SDK1: variants seen among roughly 807,000 people sequenced by gnomAD.
SDK1 encodes the protein protein sidekick-1.
In SDK1, 157 loss-of-function variants were observed where a neutral mutation model predicts 245.5. That is an observed-to-expected ratio of 0.64 (90% CI 0.56 to 0.73). The LOEUF is 0.73. Ranked by LOEUF, SDK1 falls within the 30% of genes least tolerant of loss-of-function variation. SDK1 has a pLI of 0.00. For synonymous variants in SDK1, 1,647 were observed against 1,278.5 expected, an observed-to-expected ratio of 1.29 and a Z score of -6.15; for missense variants, 3,583 against 3,002.3, an observed-to-expected ratio of 1.19 and a Z score of -4.52.
At chr7:4,016,785 T>C (rs1772622365) in intron 16 of SDK1, among the ~76,000 whole-genome samples, 1 of 152,144 alleles carries the variant, frequency 6.6e-6, no homozygotes, top group Non-Finnish European at 1.5e-5. Context: ...CTTCTGGAAG[T>C]CTCCCCACGT....
At chr7:3,781,356 C>G (rs1399816352) in intron 4 of SDK1, among the ~76,000 whole-genome samples, 1 of 152,094 alleles carries the variant, frequency 6.6e-6, no homozygotes, top group Non-Finnish European at 1.5e-5. Context: ...GTTGTGAACT[C>G]TCATGAAGCT....
intron 4 of SDK1, among the ~76,000 whole-genome samples, chr7:3,702,285 A>G (rs1784762895): frequency 6.6e-6 from 1 of 152,234 alleles, no homozygotes; most frequent in Non-Finnish European, 1.5e-5. Flanking sequence ...CTACAATTAA[A>G]AAAATCTAAT....
chr7:3,375,463 T>C (rs548752256), intron 1 of SDK1, among the ~76,000 whole-genome samples: 2 of 152,330 alleles, frequency 1.3e-5, no homozygotes, highest in East Asian at 1.9e-4. Flanking sequence ...TGTAGTATTC[T>C]TATCCGTGTA....
intron 5 of SDK1, among the ~76,000 whole-genome samples, chr7:3,861,645 G>A (rs1323297583): frequency 6.6e-6 from 1 of 152,006 alleles, no homozygotes; most frequent in African/African-American, 2.4e-5. Context: ...ACCTTATTTG[G>A]GGCTAACACT....
At chr7:3,647,400 G>A (rs1271998078) in intron 4 of SDK1, among the ~76,000 whole-genome samples, 2 of 152,128 alleles carry the variant, frequency 1.3e-5, no homozygotes, top group Non-Finnish European at 2.9e-5. Context: ...GTCTCTTGCA[G>A]TTTAGCAAAT....
At chr7:3,679,891 G>A (rs1229270432) in intron 4 of SDK1, among the ~76,000 whole-genome samples, 10 of 152,166 alleles carry the variant, frequency 6.6e-5, no homozygotes, top group African/African-American at 2.2e-4. Flanking sequence ...GACCCTATCG[G>A]TCACACTTCT....
At chr7:3,601,740 A>G (rs1344885478) in intron 1 of SDK1, among the ~76,000 whole-genome samples, 1 of 151,544 alleles carries the variant, frequency 6.6e-6, no homozygotes, top group African/African-American at 2.4e-5. Context: ...GGTTTGTTAC[A>G]TATGTATACA....
At chr7:4,085,502 T>G (rs34439024) in intron 22 of SDK1, among the ~76,000 whole-genome samples, 35,819 of 152,050 alleles carry the variant, frequency 0.24, 4,728 homozygotes, top group African/African-American at 0.34. Flanking sequence ...ACTTGTTTTG[T>G]TTTTTTGCTT....
intron 30 of SDK1, among the ~76,000 whole-genome samples, chr7:4,153,352 G>A (rs1049345333): frequency 2.0e-5 from 3 of 152,100 alleles, no homozygotes; most frequent in South Asian, 2.1e-4. Flanking sequence ...TTGGGAGGCC[G>A]AGGCGGGTGG....
chr7:3,829,739 C>T (rs1209709147), intron 5 of SDK1, among the ~76,000 whole-genome samples: 4 of 152,108 alleles, frequency 2.6e-5, no homozygotes, highest in Admixed American at 6.5e-5. Context: ...GTGCAGACCT[C>T]AGAGGAGCTT....
At chr7:3,562,901 C>T (rs188071725) in intron 1 of SDK1, among the ~76,000 whole-genome samples, 1 of 26,518 alleles carries the variant, frequency 3.8e-5, no homozygotes, top group East Asian at 8.4e-4. Flanking sequence ...AGCAAATACA[C>T]GGGCAGCTAC....
intron 1 of SDK1, among the ~76,000 whole-genome samples, chr7:3,388,613 T>C (rs1000696951): frequency 6.6e-6 from 1 of 152,184 alleles, no homozygotes; most frequent in Non-Finnish European, 1.5e-5. Flanking sequence ...TAAGTAGTAG[T>C]TGTGTGTACT....
chr7:3,544,393 G>A (rs906218040), intron 1 of SDK1, among the ~76,000 whole-genome samples: 1 of 152,202 alleles, frequency 6.6e-6, no homozygotes, highest in African/African-American at 2.4e-5. Context: ...AGGCAGCATG[G>A]GGCCTGTAGA....
At chr7:3,339,473 A>G (rs770759154) in intron 1 of SDK1, among the ~76,000 whole-genome samples, 4 of 152,256 alleles carry the variant, frequency 2.6e-5, no homozygotes, top group East Asian at 3.9e-4. Context: ...ACCCGAAACA[A>G]TAGAATACCC....
At chr7:3,484,196 A>G (rs998518557) in intron 1 of SDK1, among the ~76,000 whole-genome samples, 2 of 152,224 alleles carry the variant, frequency 1.3e-5, no homozygotes, top group African/African-American at 2.4e-5. Flanking sequence ...AAACCCACGG[A>G]TACAAAATTT....
At chr7:4,009,055 C>G (rs1193609538) in intron 14 of SDK1, among the ~76,000 whole-genome samples, 1 of 152,206 alleles carries the variant, frequency 6.6e-6, no homozygotes, top group East Asian at 1.9e-4. Context: ...CTTCCCAACA[C>G]CTGTTATTTT....
At chr7:3,703,604 A>G (rs1055249394) in intron 4 of SDK1, among the ~76,000 whole-genome samples, 5 of 152,126 alleles carry the variant, frequency 3.3e-5, no homozygotes, top group African/African-American at 7.2e-5. Flanking sequence ...ACTAATTTCA[A>G]TTTCCTGATT....
Position 3,324,257 on chromosome 7 carries a change from G to A in SDK1, c.298+22373G>A, listed in dbSNP as rs551932366. Among the ~76,000 whole-genome samples the A allele has an allele frequency of 3.3e-5, 5 of 152,252 alleles. 1 individual carries two copies. Among genetic ancestry groups the A allele is most frequent in the East Asian group, 1.9e-4 (1 of 5,182 alleles). On this transcript the variant is annotated intron_variant, in intron 1 of 44. Transcript: ENST00000404826. ...TTTAAAAGTAAATTTTTATTAAAATGTATATATGGAAAGGAAGACAAATAG... is the reference window on the plus strand; with the variant it reads ...TTTAAAAGTAAATTTTTATTAAAATATATATATGGAAAGGAAGACAAATAG...
chr7:3,676,951 A>T (rs566376322), intron 4 of SDK1, among the ~76,000 whole-genome samples: 1 of 152,160 alleles, frequency 6.6e-6, no homozygotes, highest in South Asian at 2.1e-4. Flanking sequence ...TGATGCTTCA[A>T]CTTTGTTCTT....
Sources: allele counts gnomAD v4.1 joint callset (sites outside exome capture counted in the v4.1 genomes callset), GRCh38; gene constraint gnomAD v4.1.1; transcripts MANE v1.5; gene names NCBI Gene and HGNC (gene_info 2026-07-23, HGNC 2026-07-21).